The following POLR2D variants were observed in gnomAD, a reference collection of about 807,000 sequenced individuals.
POLR2D encodes RNA polymerase II subunit D.
A neutral mutation model predicts 17.6 loss-of-function variants in POLR2D; 10 were observed. The observed-to-expected ratio is 0.57, with a 90% CI of 0.35 to 0.96. The LOEUF (loss-of-function observed/expected upper bound fraction) is 0.96. POLR2D is among the 40% of genes least tolerant of loss of function. The probability of loss-of-function intolerance (pLI) is 0.02; values close to 1 mark genes in which losing one functional copy is unlikely to be tolerated. For synonymous variants in POLR2D, 52 were observed against 60.2 expected, an observed-to-expected ratio of 0.86 and a Z score of 0.63; for missense variants, 126 against 176.4, an observed-to-expected ratio of 0.71 and a Z score of 1.62.
Position 127,846,825 on chromosome 2 carries a change from C to T in POLR2D, c.*1282G>A, listed in dbSNP as rs529781372. 88 of 155,360 alleles carry T rather than the reference C, an allele frequency of 5.7e-4. No individual in the cohort carries two copies. The highest frequency in any genetic ancestry group is 2.0e-3 in the African/African-American group (83 of 41,602). The allele number at this position is 155,360 out of a possible 1,614,324, so 9.6% of individuals were successfully genotyped here. On this transcript the variant is annotated 3_prime_UTR_variant, in exon 4 of 4. Coordinates refer to ENST00000272645, the MANE Select transcript of POLR2D (RefSeq NM_004805.4). Reference sequence around the variant, plus strand: ...CTTGCCTGCTTCATGAGCTCAATTCCTCACCACTGTGCTGTGAATGGCACA... The same window carrying T: ...CTTGCCTGCTTCATGAGCTCAATTCTTCACCACTGTGCTGTGAATGGCACA...
In POLR2D at chr2:127,853,106, C is replaced by T. The variant is rs1311846914; in HGVS notation, c.74-1G>A. The T allele has an allele frequency of 3.1e-6, 5 of 1,605,562 alleles. No homozygotes were observed. In the Admixed American group the frequency reaches 8.6e-5, roughly 28 times the overall value. The stretch of plus-strand genomic sequence containing the variant: ...AGAAGTGTCTCAGCTGTTTCAAACT[C>T]TATTTGTAAGAAGCATAAATGGCAG... On this transcript the variant is annotated splice_acceptor_variant, in intron 1 of 3. Coordinates refer to ENST00000272645, the MANE Select transcript of POLR2D (RefSeq NM_004805.4). LOFTEE classifies it high-confidence loss of function.
chr2:127,850,922 C>G (rs1429228615), intron 2 of POLR2D, among the ~76,000 whole-genome samples: 1 of 152,004 alleles, frequency 6.6e-6, no homozygotes, highest in African/African-American at 2.4e-5. Context: ...CCCGTCTCTA[C>G]TAAAAATACA....
chr2:127,850,767 A>T (rs1264996286), intron 2 of POLR2D, 82 bp from the exon 3 acceptor site: 1 of 718,118 alleles, frequency 1.4e-6, no homozygotes, highest in Non-Finnish European at 2.4e-6. Context: ...ACAGGAAAAA[A>T]GGGATCAAAC....
intron 1 of POLR2D, 120 bp downstream of exon 1, chr2:127,857,908 C>T (rs1690365745): frequency 7.1e-7 from 1 of 1,416,048 alleles, no homozygotes; most frequent in Non-Finnish European, 9.2e-7. Context: ...CAGCCCCACG[C>T]CGCGCTGGGG....
In POLR2D at chr2:127,852,085, G is replaced by A. The variant is rs958848690; in HGVS notation, c.254+840C>T. On this transcript the variant is annotated intron_variant, in intron 2 of 3. Coordinates refer to ENST00000272645, the MANE Select transcript of POLR2D (RefSeq NM_004805.4). This position sits in a 1 kb window ranked among gnomAD's most constrained non-coding sequence, Gnocchi z 4.0. ...ATTACAGGCATGAGCCACTGCACCC[G>A]GCCAATCCCAGCACTTTGGGGGGCT... Among the ~76,000 whole-genome samples, 1 of 151,976 alleles carries A rather than the reference G, an allele frequency of 6.6e-6. No individual in the cohort carries two copies. The highest frequency in any genetic ancestry group is 2.4e-5 in the African/African-American group (1 of 41,356).
rs72848837 is a variant in POLR2D, at chr2:127,846,025, T to C, written c.*2082A>G. 12,803 of 152,068 alleles carry C rather than the reference T, an allele frequency of 0.084. 621 individuals are homozygous for C. The highest frequency in any genetic ancestry group is 0.22 in the Middle Eastern group (65 of 294). 9.4% of individuals were successfully genotyped at this position (152,068 alleles called of 1,614,324 possible). A position where few individuals can be genotyped will look rare whatever the true frequency, so the allele number is the denominator to read the frequency against. On this transcript the variant is annotated 3_prime_UTR_variant, in exon 4 of 4. Transcript: ENST00000272645. ...ATCCCAGCACTTTGGGAAGCCGAGG[T>C]GGGAGGATCACTTGAGGTCAGTTCA...
intron 2 of POLR2D, among the ~76,000 whole-genome samples, chr2:127,851,088 G>A (rs1014610899): frequency 1.1e-4 from 17 of 152,034 alleles, no homozygotes; most frequent in African/African-American, 3.9e-4. Context: ...GGGTGCAGTG[G>A]CGGGCTACTC....
chr2:127,851,887 T>A (rs935623288), intron 2 of POLR2D, among the ~76,000 whole-genome samples: 1 of 152,018 alleles, frequency 6.6e-6, no homozygotes, highest in African/African-American at 2.4e-5. Context: ...CTCTCCCGGG[T>A]TCAAGCAATT....
At position 127,847,663 on chromosome 2, in the gene POLR2D, A is replaced by G. The variant is rs1237241803; in HGVS notation, c.*444T>C. 3 of 170,760 alleles carry G rather than the reference A, an allele frequency of 1.8e-5. No homozygotes were observed. The highest frequency in any genetic ancestry group is 7.2e-5 in the African/African-American group (3 of 41,490). The allele number at this position is 170,760 out of a possible 1,614,324, so 10.6% of individuals were successfully genotyped here. Reference sequence around the variant, plus strand: ...AAAAAAAAAAAAAGCATTTCAAACTAACAGCGGTTTAATTCTTCCTTTAGT... The same window carrying G: ...AAAAAAAAAAAAAGCATTTCAAACTGACAGCGGTTTAATTCTTCCTTTAGT... On this transcript the variant is annotated 3_prime_UTR_variant, in exon 4 of 4. Transcript: ENST00000272645.
At chr2:127,848,207 T>C (rs765224848) in intron 3 of POLR2D, 22 bp from the exon 4 acceptor site, 1 of 1,558,794 alleles carries the variant, frequency 6.4e-7, no homozygotes, top group Admixed American at 1.7e-5. Context: ...TGAAAAGAAA[T>C]GAGTGATTTG....
chr2:127,854,765 T>C (rs909650688), intron 1 of POLR2D, among the ~76,000 whole-genome samples: 1 of 151,972 alleles, frequency 6.6e-6, no homozygotes, highest in Non-Finnish European at 1.5e-5. Flanking sequence ...CAGGAGAGTT[T>C]AAACGAAAAC....
intron 2 of POLR2D, among the ~76,000 whole-genome samples, chr2:127,851,222 G>GACAA (rs774273709): frequency 6.6e-5 from 10 of 151,778 alleles, no homozygotes; most frequent in Admixed American, 6.6e-5. Context: ...TCTCAAAACA[G>GACAA]ACAAACAAAC....
In POLR2D at chr2:127,852,104, G is replaced by T. The variant is rs963637569; in HGVS notation, c.254+821C>A. Among the ~76,000 whole-genome samples, 1 of 152,112 alleles carries T rather than the reference G, an allele frequency of 6.6e-6. No individual in the cohort carries two copies. Among genetic ancestry groups the T allele is most frequent in the Non-Finnish European group, 1.5e-5 (1 of 68,020 alleles). On this transcript the variant is annotated intron_variant, in intron 2 of 3. Transcript: ENST00000272645. This position sits in a 1 kb window ranked among gnomAD's most constrained non-coding sequence, Gnocchi z 4.0. ...GCACCCGGCCAATCCCAGCACTTTG[G>T]GGGGCTAAGGTTGGAGGATCAATTG...
chr2:127,856,289 T>TGAAAAA (rs1690326698), intron 1 of POLR2D, among the ~76,000 whole-genome samples: 1 of 622 alleles, frequency 1.6e-3, no homozygotes, highest in Non-Finnish European at 4.9e-3. Context: ...AGATCCCGTC[T>TGAAAAA]CAAAAAAAAA....
At chr2:127,853,198 T>A in intron 1 of POLR2D, 93 bp from the exon 2 acceptor site, 1 of 1,031,938 alleles carries the variant, frequency 9.7e-7, no homozygotes. Context: ...TCTCTGCCCC[T>A]GCAGAAATCG....
In POLR2D at chr2:127,858,151, G is replaced by A. The variant is rs779601276; in HGVS notation, c.-51C>T. 4 of 1,349,338 alleles carry A rather than the reference G, an allele frequency of 3.0e-6. No individual in the cohort carries two copies. The highest frequency in any genetic ancestry group is 1.7e-5 in the South Asian group (1 of 59,684). The allele number at this position is 1,349,338 out of a possible 1,614,324, so 83.6% of individuals were successfully genotyped here. On this transcript the variant is annotated 5_prime_UTR_variant, in exon 1 of 4. Transcript: ENST00000272645. ...CCAGCGCCGCCGGAAGCAGAAGCGC[G>A]GAGCAACGGCCGCGGAAGGGGCGTG...
In POLR2D at chr2:127,852,115, T is replaced by C. The variant is rs570021164; in HGVS notation, c.254+810A>G. Among the ~76,000 whole-genome samples, 14 of 152,096 alleles carry C rather than the reference T, an allele frequency of 9.2e-5. No homozygotes were observed. The highest frequency in any genetic ancestry group is 1.6e-4 in the Non-Finnish European group (11 of 68,016). ...ATCCCAGCACTTTGGGGGGCTAAGG[T>C]TGGAGGATCAATTGAGGCCAGGAGT... On this transcript the variant is annotated intron_variant, in intron 2 of 3. Coordinates refer to ENST00000272645, the MANE Select transcript of POLR2D (RefSeq NM_004805.4). This position sits in a 1 kb window ranked among gnomAD's most constrained non-coding sequence, Gnocchi z 4.0.
In POLR2D at chr2:127,858,100, T is replaced by TCGCCGCGCCGCGCCG. The variant is rs759344343; in HGVS notation, c.-15_-1dup. On this transcript the variant is annotated 5_prime_UTR_variant, in exon 1 of 4. Coordinates refer to ENST00000272645, the MANE Select transcript of POLR2D (RefSeq NM_004805.4). ...CGCGGATCGCTGCCACCCGCCGCCA[T>TCGCCGCGCCGCGCCG]CGCCGCGCCGCGCCGCGCGCCACCA... 2.9e-5 allele frequency: 44 copies of TCGCCGCGCCGCGCCG among 1,498,280 alleles called. No homozygotes were observed. The African/African-American group carries it at 6.3e-4, about 21-fold the overall frequency. The allele number at this position is 1,498,280 out of a possible 1,614,324, so 92.8% of individuals were successfully genotyped here.
At chr2:127,854,855 A>G (rs778677465) in intron 1 of POLR2D, among the ~76,000 whole-genome samples, 44 of 152,248 alleles carry the variant, frequency 2.9e-4, no homozygotes, top group Middle Eastern at 3.4e-3. Context: ...ATACCAGGAA[A>G]GTTACCTCTT....
Sources: allele counts gnomAD v4.1 joint callset (sites outside exome capture counted in the v4.1 genomes callset), GRCh38; gene constraint gnomAD v4.1.1; non-coding constraint Gnocchi (gnomAD v3.1); transcripts MANE v1.5; gene names NCBI Gene and HGNC (gene_info 2026-07-23, HGNC 2026-07-21).